The following MGST1 variants were observed in gnomAD, a reference collection of about 807,000 sequenced individuals.
The protein encoded by MGST1 is microsomal glutathione S-transferase 1.
A neutral mutation model predicts 8.9 loss-of-function variants in MGST1; 5 were observed. That is an observed-to-expected ratio of 0.56 (90% CI 0.29 to 1.19). MGST1 has a LOEUF of 1.19. Among genes scored for constraint, MGST1 ranks in the 50% most tolerant of loss-of-function variants. The probability of loss-of-function intolerance (pLI) is 0.08; values close to 1 mark genes in which losing one functional copy is unlikely to be tolerated. For missense variants in MGST1, 182 were observed against 187.4 expected, an observed-to-expected ratio of 0.97 and a Z score of 0.17; for synonymous variants, 54 against 67.8, an observed-to-expected ratio of 0.80 and a Z score of 1.00.
In MGST1 at chr12:16,472,124, C is replaced by T. The variant is rs183879164; in HGVS notation, n.482+88520C>T. Among the ~76,000 whole-genome samples the T allele has an allele frequency of 2.6e-5, 4 of 152,118 alleles. No homozygotes were observed. The East Asian group carries it at 7.7e-4, about 29-fold the overall frequency. ...TCCTCCATGATCACATAAATTATAC[C>T]CATTCTTCTATAAGACTACTATTAT... is the stretch of plus-strand genomic sequence containing the variant. On this transcript the variant is annotated intron_variant and non_coding_transcript_variant, in intron 4 of 4. Transcript: ENST00000538857.
chr12:16,365,480 T>A (rs1036044298), downstream of MGST1, among the ~76,000 whole-genome samples: 1 of 152,232 alleles, frequency 6.6e-6, no homozygotes, highest in Non-Finnish European at 1.5e-5. Context: ...AAGAGAAAAG[T>A]CACTGTGTTG....
intron 4 of MGST1, among the ~76,000 whole-genome samples, chr12:16,532,310 CA>C (rs1675633610): frequency 6.6e-6 from 1 of 152,012 alleles, no homozygotes; most frequent in Non-Finnish European, 1.5e-5. Flanking sequence ...TAAAAAACGC[CA>C]AGGCCAGTCC....
intron 4 of MGST1, among the ~76,000 whole-genome samples, chr12:16,558,949 A>T (rs1339143026): frequency 1.3e-5 from 2 of 152,166 alleles, no homozygotes; most frequent in Non-Finnish European, 2.9e-5. Context: ...AGAGAGATTA[A>T]GTAACATACT....
chr12:16,457,516 C>T (rs1180317015), intron 4 of MGST1, among the ~76,000 whole-genome samples: 1 of 151,838 alleles, frequency 6.6e-6, no homozygotes, highest in Non-Finnish European at 1.5e-5. Flanking sequence ...TGATATTTAT[C>T]TTACATTTTT....
downstream of MGST1, among the ~76,000 whole-genome samples, chr12:16,379,854 C>T (rs1445650183): frequency 6.6e-6 from 1 of 152,172 alleles, no homozygotes; most frequent in African/African-American, 2.4e-5. Flanking sequence ...AGAGATTCAA[C>T]TTCTTCCTGG....
intron 1 of MGST1, among the ~76,000 whole-genome samples, chr12:16,421,655 G>A (rs903345180): frequency 2.0e-5 from 3 of 152,122 alleles, no homozygotes; most frequent in African/African-American, 7.2e-5. Flanking sequence ...TTTCTGGATG[G>A]TGTGGTATGG....
chr12:16,357,832 A>G (rs1939792182), intron 3 of MGST1, 133 bp downstream of exon 3: 1 of 649,106 alleles, frequency 1.5e-6, no homozygotes. Context: ...TGACAATTAC[A>G]GAAAACTGGA....
At chr12:16,397,511 C>A (rs1388404443) in intron 1 of MGST1, among the ~76,000 whole-genome samples, 1 of 151,882 alleles carries the variant, frequency 6.6e-6, no homozygotes, top group Non-Finnish European at 1.5e-5. Flanking sequence ...GGGAGAAAAC[C>A]TTTACAATCT....
At chr12:16,418,335 G>T (rs1940803849) in intron 1 of MGST1, among the ~76,000 whole-genome samples, 1 of 152,112 alleles carries the variant, frequency 6.6e-6, no homozygotes, top group Non-Finnish European at 1.5e-5. Flanking sequence ...AGCATATCCT[G>T]CCACCTCCAG....
intron 1 of MGST1, among the ~76,000 whole-genome samples, chr12:16,422,643 C>T (rs1452965502): frequency 2.0e-5 from 3 of 152,160 alleles, no homozygotes; most frequent in Non-Finnish European, 2.9e-5. Context: ...GATTTCTGCA[C>T]ACATAGTCAA....
intron 1 of MGST1, among the ~76,000 whole-genome samples, chr12:16,425,826 T>C (rs1353089065): frequency 1.3e-5 from 2 of 152,254 alleles, no homozygotes; most frequent in South Asian, 2.1e-4. Flanking sequence ...CCTTTCTCAA[T>C]ACCCCATTTT....
chr12:16,460,593 G>T (rs1941210633), intron 4 of MGST1, among the ~76,000 whole-genome samples: 1 of 145,310 alleles, frequency 6.9e-6, no homozygotes, highest in Non-Finnish European at 1.5e-5. Context: ...TCTAATTCAG[G>T]TCAGTTTTTT....
chr12:16,504,564 A>G (rs1452050929), intron 4 of MGST1, among the ~76,000 whole-genome samples: 1 of 151,938 alleles, frequency 6.6e-6, no homozygotes, highest in Non-Finnish European at 1.5e-5. Flanking sequence ...ATTTTTCCCC[A>G]ACCCCCAATA....
intron 1 of MGST1, among the ~76,000 whole-genome samples, chr12:16,390,339 CTA>C (rs1423093408): frequency 1.3e-5 from 2 of 152,018 alleles, no homozygotes; most frequent in East Asian, 3.9e-4. Context: ...TGCATATTTG[CTA>C]TATAGGCAAA....
intron 4 of MGST1, among the ~76,000 whole-genome samples, chr12:16,473,361 C>G (rs1941300238): frequency 6.6e-6 from 1 of 152,146 alleles, no homozygotes; most frequent in Non-Finnish European, 1.5e-5. Context: ...ATCAATAGGG[C>G]TGAGATTAAG....
At chr12:16,457,909 G>C (rs1318837625) in intron 4 of MGST1, among the ~76,000 whole-genome samples, 1 of 151,930 alleles carries the variant, frequency 6.6e-6, no homozygotes, top group Admixed American at 6.6e-5. Context: ...GTATTTTGGA[G>C]GAGGGGGAGG....
intron 4 of MGST1, among the ~76,000 whole-genome samples, chr12:16,481,225 A>G (rs1440472190): frequency 6.6e-6 from 1 of 152,200 alleles, no homozygotes; most frequent in Non-Finnish European, 1.5e-5. Flanking sequence ...CAGTATCTAC[A>G]TGGTCCAGGA....
intron 1 of MGST1, chr12:16,350,706 T>A (rs776774266): frequency 7.9e-5 from 12 of 152,350 alleles, no homozygotes; most frequent in African/African-American, 2.9e-4. Context: ...CTACTATTTC[T>A]TAATGTTCTT....
At chr12:16,471,502 T>C (rs1036859857) in intron 4 of MGST1, among the ~76,000 whole-genome samples, 2 of 152,234 alleles carry the variant, frequency 1.3e-5, no homozygotes, top group African/African-American at 4.8e-5. Context: ...GAAATACTCT[T>C]ATGGGACTAA....
Sources: allele counts gnomAD v4.1 joint callset (sites outside exome capture counted in the v4.1 genomes callset), GRCh38; gene constraint gnomAD v4.1.1; transcripts MANE v1.5; gene names NCBI Gene and HGNC (gene_info 2026-07-23, HGNC 2026-07-21).